Variants in PPP1R3F observed in about 807,000 individuals in gnomAD.
The protein encoded by PPP1R3F is protein phosphatase 1, regulatory (inhibitor) subunit 3F.
Under a neutral mutation model 24.2 loss-of-function variants are expected in PPP1R3F, and 29 were observed. That is an observed-to-expected ratio of 1.20 (90% CI 0.89 to 1.63). The LOEUF (loss-of-function observed/expected upper bound fraction) is 1.63. Among genes scored for constraint, PPP1R3F ranks in the 40% most tolerant of loss-of-function variants. The pLI, the probability that PPP1R3F is intolerant of heterozygous loss-of-function variation, is 0.00. For missense variants in PPP1R3F, 823 were observed against 729.3 expected (o/e 1.13, Z -1.48); for synonymous variants, 363 against 340.1 (o/e 1.07, Z -0.74).
downstream of PPP1R3F, among the ~76,000 whole-genome samples, chrX:49,289,032 G>A (rs782637678): frequency 1.2e-4 from 13 of 110,882 alleles, no homozygotes; most frequent in Admixed American, 9.6e-4. Flanking sequence ...AGGCTGAGGC[G>A]GGACAATCGT....
At chrX:49,298,102 A>G (rs1557123025) in intron 3 of PPP1R3F, among the ~76,000 whole-genome samples, 1 of 110,799 alleles carries the variant, frequency 9.0e-6, no homozygotes, top group Non-Finnish European at 1.9e-5. Context: ...ATGCAGTTTC[A>G]TAGTGTCAAT....
chrX:49,286,865 C>G lies in PPP1R3F; in HGVS notation c.2175C>G (p.Ser725Arg), dbSNP rs1239164015. ...CTAGTGTAGCCAGGCCTCATGTGAG[C>G]TCCCAGGATGAAAAGGATGCAGGCC... is the stretch of plus-strand genomic sequence containing the variant. ...CLSSVARPHV[S>R]SQDEKDAGPS... The change falls in exon 4 of 4, where the codon AGC becomes AGG. Residue 725 changes from serine (S) to arginine (R), a missense_variant. Coordinates refer to ENST00000055335, the MANE Select transcript of PPP1R3F (RefSeq NM_033215.5). The G allele has an allele frequency of 8.4e-7, 1 of 1,190,228 alleles. No homozygotes were observed. The highest frequency in any genetic ancestry group is 1.8e-5 in the African/African-American group (1 of 56,877).
At chrX:49,272,586 C>T (rs1557119490) in intron 1 of PPP1R3F, among the ~76,000 whole-genome samples, 2 of 113,050 alleles carry the variant, frequency 1.8e-5, no homozygotes, top group Non-Finnish European at 3.7e-5. Flanking sequence ...TTCGGCTCCG[C>T]CCATCAGCTG....
Position 49,285,887 on chromosome X carries a change from A to G in PPP1R3F, c.1197A>G (p.Arg399=). Residue 399 remains arginine (R), a synonymous_variant, in exon 4 of 4, where the codon AGA becomes AGG. Transcript: ENST00000055335. ...GNPAEEGDVP[R]SSPPVAFTEV... ...CCGCAGAAGAAGGTGATGTCCCCAG[A>G]AGCAGTCCACCTGTGGCTTTTACAG... 1 of 1,196,291 alleles carries G rather than the reference A, an allele frequency of 8.4e-7. No individual in the cohort carries two copies. The highest frequency in any genetic ancestry group is 1.1e-6 in the Non-Finnish European group (1 of 886,835).
Position 49,270,520 on chromosome X carries a change from C to A in PPP1R3F, c.651C>A (p.Ile217=), listed in dbSNP as rs180878665. ...GAGGTGAGDP[I]LDPGLGLGPG... ...GAGGAACAGGAGCAGGAGATCCCAT[C>A]CTGGATCCGGGGCTCGGCCTGGGTC... The change falls in exon 1 of 4, where the codon ATC becomes ATA. Residue 217 remains isoleucine (I), a synonymous_variant. Transcript: ENST00000055335. 2 of 1,204,845 alleles carry A rather than the reference C, an allele frequency of 1.7e-6. No individual in the cohort carries two copies. The highest frequency in any genetic ancestry group is 3.5e-5 in the South Asian group (2 of 56,808).
At chrX:49,271,130 A>C (rs2066177485) in intron 1 of PPP1R3F, among the ~76,000 whole-genome samples, 1 of 112,122 alleles carries the variant, frequency 8.9e-6, no homozygotes, top group Non-Finnish European at 1.9e-5. Flanking sequence ...GGATTCATAC[A>C]GGCTCCTATG....
At chrX:49,275,544 G>A (rs1469235200) in intron 1 of PPP1R3F, 1 of 111,576 alleles carries the variant, frequency 9.0e-6, no homozygotes, top group Non-Finnish European at 1.9e-5. Flanking sequence ...TGTAGATTGG[G>A]CCAGGGACCC....
downstream of PPP1R3F, among the ~76,000 whole-genome samples, chrX:49,289,485 A>G (rs1457694943): frequency 8.9e-6 from 1 of 112,067 alleles, no homozygotes; most frequent in African/African-American, 3.2e-5. Flanking sequence ...TGGAAGATCC[A>G]TAACTGCACG....
intron 1 of PPP1R3F, among the ~76,000 whole-genome samples, chrX:49,279,682 CA>C (rs1315228170): frequency 5.6e-5 from 6 of 106,958 alleles, no homozygotes; most frequent in East Asian, 2.9e-4. Flanking sequence ...GACTCCATCT[CA>C]AAAAAAAAAA....
At chrX:49,281,527 T>C (rs1395531125) in intron 2 of PPP1R3F, 66 bp downstream of exon 2, 1 of 959,535 alleles carries the variant, frequency 1.0e-6, no homozygotes, top group Admixed American at 2.5e-5. Context: ...CTACTGTTTT[T>C]CTTTCTATAA....
chrX:49,280,643 T>G (rs781804173), intron 1 of PPP1R3F: 1 of 108,103 alleles, frequency 9.3e-6, no homozygotes, highest in East Asian at 3.0e-4. Flanking sequence ...CCTCCCAGGT[T>G]CAAATGATTC....
chrX:49,272,893 G>A (rs1399885068), intron 1 of PPP1R3F, among the ~76,000 whole-genome samples: 3 of 109,386 alleles, frequency 2.7e-5, no homozygotes, highest in African/African-American at 9.9e-5. Flanking sequence ...TGAGTGACAG[G>A]GCCAGGGAAG....
intron 1 of PPP1R3F, chrX:49,273,575 C>T (rs1037115677): frequency 2.7e-5 from 3 of 112,283 alleles, no homozygotes; most frequent in Non-Finnish European, 5.6e-5. Flanking sequence ...CTTTGTAGGT[C>T]GGTGGCTTTC....
At position 49,270,095 on chromosome X, in the gene PPP1R3F, G is replaced by C. The variant is rs1485597284; in HGVS notation, c.226G>C (p.Gly76Arg). Residue 76 changes from glycine to arginine, a missense_variant, in exon 1 of 4, where the codon GGC (glycine) becomes CGC (arginine). Coordinates refer to ENST00000055335, the MANE Select transcript of PPP1R3F (RefSeq NM_033215.5). ...GGCGGCCGGGCAAGATGGCGGCGGCGGCGGCGGGGCCGACGAGGACGACGA... is the reference window on the plus strand; with the variant it reads ...GGCGGCCGGGCAAGATGGCGGCGGCCGCGGCGGGGCCGACGAGGACGACGA... ...AAAAGQDGGG[G>R]GGADEDDDGE... 14 of 1,007,206 alleles carry C rather than the reference G, an allele frequency of 1.4e-5. No individual in the cohort carries two copies. In the African/African-American group the frequency reaches 2.8e-4, roughly 20 times the overall value. 83.0% of individuals were successfully genotyped at this position (1,007,206 alleles called of 1,213,427 possible). A position where few individuals can be genotyped will look rare whatever the true frequency, so the allele number is the denominator to read the frequency against.
At chrX:49,272,074 G>A (rs1369593151) in intron 1 of PPP1R3F, among the ~76,000 whole-genome samples, 2 of 112,135 alleles carry the variant, frequency 1.8e-5, no homozygotes, top group East Asian at 2.8e-4. Context: ...ATGCTTTTTG[G>A]ACCTTGTATG....
Position 49,269,998 on chromosome X carries a change from C to T in PPP1R3F, c.129C>T (p.Ala43=). ...APRRVLFADE[A]LGLPLAQLRR... ...GGAGGGTGCTGTTCGCCGACGAGGC[C>T]TTGGGGCTGCCGCTGGCGCAGTTGC... The change falls in exon 1 of 4, where the codon GCC becomes GCT. Residue 43 remains alanine (A), a synonymous_variant. Transcript: ENST00000055335. 3 of 922,421 alleles carry T rather than the reference C, an allele frequency of 3.3e-6. No homozygotes were observed. The highest frequency in any genetic ancestry group is 2.7e-6 in the Non-Finnish European group (2 of 746,931). 76.0% of individuals were successfully genotyped at this position (922,421 alleles called of 1,213,427 possible).
At chrX:49,301,126 G>A (rs1557123312) in intron 3 of PPP1R3F, among the ~76,000 whole-genome samples, 2 of 112,466 alleles carry the variant, frequency 1.8e-5, no homozygotes, top group African/African-American at 6.5e-5. Context: ...TGAATTTAAA[G>A]GAGGTACTTG....
downstream of PPP1R3F, among the ~76,000 whole-genome samples, chrX:49,288,993 G>A (rs142812108): frequency 3.6e-5 from 4 of 110,798 alleles, no homozygotes; most frequent in East Asian, 1.1e-3. Flanking sequence ...AATTAGCTGG[G>A]CATCCACCTG....
At position 49,270,285 on chromosome X, in the gene PPP1R3F, A is replaced by C; in HGVS notation, c.416A>C (p.Glu139Ala). Residue 139 changes from glutamate (E) to alanine (A), a missense_variant, in exon 1 of 4, where the codon GAG becomes GCG. Glu to Ala is a moderately radical substitution (Grantham distance 107, BLOSUM62 -1). Coordinates refer to ENST00000055335, the MANE Select transcript of PPP1R3F (RefSeq NM_033215.5). ...TTGGGGCGCGTCATGGTGGAGCTGG[A>C]GGCGCTGCTGCCGCCTCCCGGAGCG... is the stretch of plus-strand genomic sequence containing the variant. ...ERLGRVMVEL[E>A]ALLPPPGAVP... 9.1e-7 allele frequency: 1 copy of C among 1,103,332 alleles called. No homozygotes were observed. Among genetic ancestry groups the C allele is most frequent in the Non-Finnish European group, 1.2e-6 (1 of 851,144 alleles). 90.9% of individuals were successfully genotyped at this position (1,103,332 alleles called of 1,213,427 possible).
Sources: allele counts gnomAD v4.1 joint callset (sites outside exome capture counted in the v4.1 genomes callset), GRCh38; gene constraint gnomAD v4.1.1; transcripts MANE v1.5; gene names NCBI Gene and HGNC (gene_info 2026-07-23, HGNC 2026-07-21).